The following CHSY3 variants were observed in gnomAD, a reference collection of about 807,000 sequenced individuals.
CHSY3 encodes N-acetylgalactosaminyl-proteoglycan 3-beta-glucuronosyltransferase 3.
In CHSY3, 35 loss-of-function variants were observed where a neutral mutation model predicts 67.2. That is an observed-to-expected ratio of 0.52 (90% CI 0.40 to 0.69). CHSY3 has a LOEUF of 0.69. Ranked by LOEUF, CHSY3 falls within the 30% of genes least tolerant of loss-of-function variation. CHSY3 has a pLI of 0.00. For synonymous variants in CHSY3, 474 were observed against 434.7 expected (o/e 1.09, Z -1.12); for missense variants, 1,069 against 1,138.5 (o/e 0.94, Z 0.88).
intron 2 of CHSY3, among the ~76,000 whole-genome samples, chr5:129,923,622 T>C (rs1760996249): frequency 6.6e-6 from 1 of 152,180 alleles, no homozygotes; most frequent in South Asian, 2.1e-4. Flanking sequence ...ATTTAAGCTA[T>C]GCAGATGTCT....
At chr5:129,906,035 A>G (rs1760280646) in intron 1 of CHSY3, 1 of 190,136 alleles carries the variant, frequency 5.3e-6, no homozygotes, top group Non-Finnish European at 1.1e-5. Context: ...CGTGGTCTTC[A>G]GGAAGGGAAG....
At chr5:130,068,494 A>G (rs1242643875) in intron 2 of CHSY3, among the ~76,000 whole-genome samples, 1 of 152,134 alleles carries the variant, frequency 6.6e-6, no homozygotes, top group Admixed American at 6.6e-5. Context: ...CAAAAACTAT[A>G]CAACAAAATG....
intron 2 of CHSY3, among the ~76,000 whole-genome samples, chr5:130,099,803 C>T (rs1243312573): frequency 6.6e-6 from 1 of 152,108 alleles, no homozygotes; most frequent in African/African-American, 2.4e-5. Context: ...AGCTATGGCA[C>T]ATAATATGTC....
intron 2 of CHSY3, chr5:130,001,545 T>A (rs1447133012): frequency 2.2e-6 from 2 of 905,754 alleles, no homozygotes; most frequent in Non-Finnish European, 2.6e-6. Context: ...CAGGACCCCA[T>A]GGAGAGTCCC....
At chr5:129,948,004 A>T (rs2149599130) in intron 2 of CHSY3, among the ~76,000 whole-genome samples, 2 of 152,294 alleles carry the variant, frequency 1.3e-5, no homozygotes, top group African/African-American at 4.8e-5. Flanking sequence ...ATATTGTGAT[A>T]CTAGCCATTT....
At chr5:130,129,584 A>G (rs1490326698) in intron 2 of CHSY3, among the ~76,000 whole-genome samples, 5 of 152,176 alleles carry the variant, frequency 3.3e-5, no homozygotes, top group Admixed American at 1.3e-4. Flanking sequence ...TTAGGCCTTT[A>G]TCCTACTTTA....
At chr5:129,983,561 T>C (rs892328600) in intron 2 of CHSY3, among the ~76,000 whole-genome samples, 3 of 152,102 alleles carry the variant, frequency 2.0e-5, no homozygotes, top group Non-Finnish European at 4.4e-5. Flanking sequence ...CTCTTCCTTT[T>C]CATTCTTCTC....
intron 2 of CHSY3, among the ~76,000 whole-genome samples, chr5:130,030,420 G>T (rs1764673582): frequency 6.6e-6 from 1 of 152,092 alleles, no homozygotes. Context: ...TTATCAGGAA[G>T]TCAAGTAAAC....
At chr5:130,100,441 C>T (rs11750800) in intron 2 of CHSY3, among the ~76,000 whole-genome samples, 41,764 of 151,102 alleles carry the variant, frequency 0.28, 5,859 homozygotes, top group South Asian at 0.37. Context: ...GTGATCCGCC[C>T]GCCTCGGCCT....
intron 2 of CHSY3, among the ~76,000 whole-genome samples, chr5:129,990,377 AGTGTGTGTGT>A (rs34958818): frequency 1.4e-5 from 2 of 147,476 alleles, no homozygotes; most frequent in Admixed American, 6.8e-5. Flanking sequence ...TGAGTGAGTG[AGTGTGTGTGT>A]GTGTGTGTGT....
At chr5:130,068,285 T>C (rs1765949464) in intron 2 of CHSY3, among the ~76,000 whole-genome samples, 1 of 152,154 alleles carries the variant, frequency 6.6e-6, no homozygotes, top group African/African-American at 2.4e-5. Context: ...TATCCACTAA[T>C]TGCCCATTTC....
intron 2 of CHSY3, among the ~76,000 whole-genome samples, chr5:130,035,886 GTTTTT>G (rs1180462327): frequency 1.5e-5 from 1 of 65,554 alleles, no homozygotes; most frequent in East Asian, 4.6e-4. Flanking sequence ...TCATTTGGTT[GTTTTT>G]TTTTTTTTTT....
At chr5:130,019,842 T>G (rs1403544565) in intron 2 of CHSY3, among the ~76,000 whole-genome samples, 1 of 152,192 alleles carries the variant, frequency 6.6e-6, no homozygotes, top group African/African-American at 2.4e-5. Context: ...AACTATGTGG[T>G]TTAGCAATCA....
At chr5:129,986,288 G>A (rs1763199457) in intron 2 of CHSY3, among the ~76,000 whole-genome samples, 1 of 152,154 alleles carries the variant, frequency 6.6e-6, no homozygotes, top group Non-Finnish European at 1.5e-5. Flanking sequence ...AGATGATCAT[G>A]TGGTTTTTGT....
chr5:130,182,235 C>G (rs1770270501), intron 2 of CHSY3, among the ~76,000 whole-genome samples: 1 of 151,916 alleles, frequency 6.6e-6, no homozygotes, highest in South Asian at 2.1e-4. Context: ...GTTGCTTTAC[C>G]TTGATGATGA....
At position 129,905,345 on chromosome 5, in the gene CHSY3, C is replaced by A. The variant is rs1041927445; in HGVS notation, c.516C>A (p.Phe172Leu). 1 of 1,558,712 alleles carries A rather than the reference C, an allele frequency of 6.4e-7. No homozygotes were observed. Among genetic ancestry groups the A allele is most frequent in the Non-Finnish European group, 8.7e-7 (1 of 1,155,486 alleles). ...CCCCGAGCGCCCGACCCCGGGACTT[C>A]CTGTACGTGGGGGTGATGACCGCGC... ...AAAPSARPRD[F>L]LYVGVMTAQK... The change falls in exon 1 of 3, where the codon TTC becomes TTA. Residue 172 changes from phenylalanine (F) to leucine (L), a missense_variant. Phe to Leu is a conservative substitution (Grantham distance 22). This residue lies in a region of CHSY3 where 309 missense variants were observed against 262.5 expected (regional missense o/e 1.18). Transcript: ENST00000305031.
intron 2 of CHSY3, among the ~76,000 whole-genome samples, chr5:130,091,861 A>G (rs1283553091): frequency 2.0e-5 from 3 of 152,178 alleles, no homozygotes; most frequent in Non-Finnish European, 2.9e-5. Flanking sequence ...CAGGCTTCAT[A>G]AGGTTAACTA....
intron 2 of CHSY3, among the ~76,000 whole-genome samples, chr5:130,109,326 A>C (rs1292252543): frequency 6.6e-6 from 1 of 151,632 alleles, no homozygotes; most frequent in African/African-American, 2.4e-5. Flanking sequence ...AAAATGCCAT[A>C]CTTTCTACTT....
rs899414844 is a variant in CHSY3, at chr5:130,136,479, G to A, written c.1087-47750G>A. On this transcript the variant is annotated intron_variant, in intron 2 of 2. Transcript: ENST00000305031. ...TTTTAACTCTGGCAGCTGCACAGCAGATGGAGTTGAGAAAGAAGAGAGTGG... is the reference window on the plus strand; with the variant it reads ...TTTTAACTCTGGCAGCTGCACAGCAAATGGAGTTGAGAAAGAAGAGAGTGG... 2.0e-5 allele frequency among the ~76,000 whole-genome samples: 3 copies of A among 152,172 alleles called. 1 individual carries two copies. Among genetic ancestry groups the A allele is most frequent in the African/African-American group, 7.2e-5 (3 of 41,448 alleles).
Sources: gnomAD v4.1 joint callset for allele counts (sites outside exome capture counted in the v4.1 genomes callset) on GRCh38, gnomAD v4.1.1 for gene constraint, gnomAD v4.1.1 regional missense constraint, MANE v1.5 for transcripts, NCBI Gene and HGNC (gene_info 2026-07-23, HGNC 2026-07-21) for gene names.